TLL1: variants seen among roughly 807,000 people sequenced by gnomAD.
TLL1 encodes tolloid-like protein 1.
TLL1 carries 49 observed loss-of-function variants against 128.2 expected under a neutral mutation model. That is an observed-to-expected ratio of 0.38 (90% confidence interval 0.30 to 0.48). The LOEUF (loss-of-function observed/expected upper bound fraction) is 0.48. Among genes scored for constraint, TLL1 ranks in the 20% least tolerant of loss-of-function variants. The pLI is 0.96. For synonymous variants in TLL1, 454 were observed against 418.8 expected (o/e 1.08, Z -1.03); for missense variants, 1,123 against 1,242.0 (o/e 0.90, Z 1.44).
intron 9 of TLL1, chr4:166,030,573 C>T: frequency 1.8e-6 from 1 of 558,708 alleles, no homozygotes; most frequent in Admixed American, 2.9e-5. Context: ...GCCAAGAAAT[C>T]ATGGCCATAT....
chr4:165,943,259 G>C (rs1259745921), intron 1 of TLL1, among the ~76,000 whole-genome samples: 1 of 151,820 alleles, frequency 6.6e-6, no homozygotes, highest in Non-Finnish European at 1.5e-5. Context: ...AAGCTTTCAT[G>C]CAAAAAAGCA....
At position 166,016,068 on chromosome 4, in the gene TLL1, A is replaced by G. The variant is rs576836004; in HGVS notation, c.1042+1508A>G. Among the ~76,000 whole-genome samples, 21 of 152,142 alleles carry G rather than the reference A, an allele frequency of 1.4e-4. No individual in the cohort carries two copies. In the South Asian group the frequency reaches 4.3e-3, roughly 32 times the overall value. On this transcript the variant is annotated intron_variant, in intron 8 of 20. Transcript: ENST00000061240. Reference sequence around the variant, plus strand: ...TTTCCATGTACCAAAAGACATTTCTACTTAATATTCATTAATTTATTACTT... The same window carrying G: ...TTTCCATGTACCAAAAGACATTTCTGCTTAATATTCATTAATTTATTACTT...
At chr4:166,057,370 A>C in intron 14 of TLL1, 61 bp downstream of exon 14, 219 of 1,586,500 alleles carry the variant, frequency 1.4e-4, no homozygotes, top group Non-Finnish European at 1.7e-4. Context: ...TTATATTCTC[A>C]TTCTCTGTCT....
At chr4:166,073,716 G>A (rs1040146454) in intron 16 of TLL1, among the ~76,000 whole-genome samples, 4 of 152,082 alleles carry the variant, frequency 2.6e-5, no homozygotes, top group Non-Finnish European at 5.9e-5. Context: ...TAACAAAATA[G>A]ATGTACCTTT....
Position 166,038,909 on chromosome 4 carries a change from TCTGA to T in TLL1, c.1159-426_1159-423del, listed in dbSNP as rs549067522. 3.7e-4 allele frequency among the ~76,000 whole-genome samples: 57 copies of T among 152,300 alleles called. 2 individuals are homozygous for T. In the Middle Eastern group the frequency reaches 0.02, roughly 55 times the overall value. ...GTTATTTTTAACATAATTATAGATG[TCTGA>T]CTGGTCATTTTTGAAATAAATTATT... On this transcript the variant is annotated intron_variant, in intron 9 of 20. Coordinates refer to ENST00000061240, the MANE Select transcript of TLL1 (RefSeq NM_012464.5).
At chr4:165,904,030 G>A (rs1237906157) in intron 1 of TLL1, among the ~76,000 whole-genome samples, 2 of 152,010 alleles carry the variant, frequency 1.3e-5, no homozygotes, top group Admixed American at 1.3e-4. Context: ...TTGCTGATAT[G>A]TTAGAATTTT....
At chr4:165,947,452 G>C (rs148108889) in intron 1 of TLL1, among the ~76,000 whole-genome samples, 1 of 152,114 alleles carries the variant, frequency 6.6e-6, no homozygotes, top group African/African-American at 2.4e-5. Flanking sequence ...TGAGAGGAAA[G>C]AGATAAACTG....
rs566588887 is a variant in TLL1, at chr4:165,982,166, A to C, written c.170-7215A>C. ...GTCAGCAAGTTAATAGTATTAATTAATATCACTTAATTATCTGTGGCTCAA... is the reference window on the plus strand; with the variant it reads ...GTCAGCAAGTTAATAGTATTAATTACTATCACTTAATTATCTGTGGCTCAA... On this transcript the variant is annotated intron_variant, in intron 1 of 20. Coordinates refer to ENST00000061240, the MANE Select transcript of TLL1 (RefSeq NM_012464.5). Among the ~76,000 whole-genome samples the C allele has an allele frequency of 2.0e-5, 3 of 152,138 alleles. No homozygotes were observed. The South Asian group carries it at 6.2e-4, about 31-fold the overall frequency.
chr4:165,995,608 C>T (rs1020029616), intron 5 of TLL1, among the ~76,000 whole-genome samples: 9 of 152,198 alleles, frequency 5.9e-5, no homozygotes, highest in African/African-American at 1.9e-4. Context: ...GTTTATACAT[C>T]ATTAACCTAG....
chr4:165,884,911 G>T (rs765075287), intron 1 of TLL1, among the ~76,000 whole-genome samples: 4 of 151,996 alleles, frequency 2.6e-5, no homozygotes, highest in Admixed American at 2.0e-4. Flanking sequence ...CACATTATTT[G>T]GTAGAGCACA....
intron 1 of TLL1, among the ~76,000 whole-genome samples, chr4:165,876,035 T>A (rs995760416): frequency 1.3e-5 from 2 of 152,240 alleles, no homozygotes; most frequent in African/African-American, 4.8e-5. Flanking sequence ...CCTAATCTTA[T>A]TTCTTCTCTG....
chr4:165,943,403 TA>T (rs1363898848), intron 1 of TLL1, among the ~76,000 whole-genome samples: 3 of 152,182 alleles, frequency 2.0e-5, no homozygotes, highest in Non-Finnish European at 2.9e-5. Context: ...TTCCAAATTT[TA>T]AAAGATCAGA....
chr4:165,897,266 A>G (rs1351889290), intron 1 of TLL1, among the ~76,000 whole-genome samples: 4 of 152,068 alleles, frequency 2.6e-5, no homozygotes, highest in African/African-American at 9.7e-5. Context: ...TTTTGTTGCC[A>G]TTGCTTTTGG....
chr4:165,995,233 C>T (rs1736820304), intron 5 of TLL1, 55 bp downstream of exon 5: 1 of 1,217,206 alleles, frequency 8.2e-7, no homozygotes, highest in African/African-American at 1.5e-5. Flanking sequence ...AAAAGGAAAA[C>T]AATTAAATGT....
chr4:166,077,478 A>G (rs1434700502), intron 17 of TLL1, among the ~76,000 whole-genome samples: 1 of 152,204 alleles, frequency 6.6e-6, no homozygotes, highest in African/African-American at 2.4e-5. Flanking sequence ...AATGATATTA[A>G]TTAGCTGTAA....
chr4:165,923,421 C>CTGTTTTTTTTTTT (rs1733127563), intron 1 of TLL1, among the ~76,000 whole-genome samples: 1 of 70,832 alleles, frequency 1.4e-5, no homozygotes, highest in Non-Finnish European at 2.6e-5. Context: ...ATAGGTATAC[C>CTGTTTTTTTTTTT]TTTTTTTTTT....
chr4:165,975,350 C>G (rs988337111), intron 1 of TLL1, among the ~76,000 whole-genome samples: 1 of 152,078 alleles, frequency 6.6e-6, no homozygotes, highest in Non-Finnish European at 1.5e-5. Context: ...CACCCAACCC[C>G]TCTCCATATT....
At chr4:166,074,348 T>A (rs1055051046) in intron 16 of TLL1, among the ~76,000 whole-genome samples, 1 of 151,278 alleles carries the variant, frequency 6.6e-6, no homozygotes, top group Admixed American at 6.6e-5. Flanking sequence ...AACTGCAGAG[T>A]TAATGGGGAA....
At chr4:166,030,528 C>T in intron 9 of TLL1, 1 of 609,114 alleles carries the variant, frequency 1.6e-6, no homozygotes. Context: ...CACTTGTCTA[C>T]TTTTAGTTTT....
Sources: gnomAD v4.1 joint callset for allele counts (sites outside exome capture counted in the v4.1 genomes callset) on GRCh38, gnomAD v4.1.1 for gene constraint, MANE v1.5 for transcripts, NCBI Gene and HGNC (gene_info 2026-07-23, HGNC 2026-07-21) for gene names.